OTUD4: variants seen among roughly 807,000 people sequenced by gnomAD.
OTUD4 encodes OTU domain-containing protein 4.
Under a neutral mutation model 130.4 loss-of-function variants are expected in OTUD4, and 24 were observed. The ratio of observed to expected loss-of-function variants is 0.18; its 90% CI spans 0.13 to 0.26. The LOEUF is 0.26. Ranked by LOEUF, OTUD4 falls within the 10% of genes least tolerant of loss-of-function variation. The pLI, the probability that OTUD4 is intolerant of heterozygous loss-of-function variation, is 1.00. For missense variants in OTUD4, 1,031 were observed against 1,329.4 expected (o/e 0.78, Z 3.49); for synonymous variants, 420 against 472.5 (o/e 0.89, Z 1.44).
chr4:145,178,884 T>C (rs959684487), intron 1 of OTUD4, among the ~76,000 whole-genome samples: 3 of 151,338 alleles, frequency 2.0e-5, no homozygotes, highest in Non-Finnish European at 3.0e-5. Context: ...TAGGGAGGGG[T>C]GTGCAATGGG....
At chr4:145,152,766 A>T in intron 10 of OTUD4, 131 bp from the exon 11 acceptor site, 1 of 597,110 alleles carries the variant, frequency 1.7e-6, no homozygotes, top group South Asian at 2.2e-5. Context: ...ACCCAGGCTG[A>T]AGTGCAGAGG....
chr4:145,159,702 C>CCAT, intron 6 of OTUD4, 67 bp from the exon 7 acceptor site: 1 of 1,449,124 alleles, frequency 6.9e-7, no homozygotes, highest in Non-Finnish European at 9.6e-7. Context: ...CAGGAACAGA[C>CCAT]CATCACATTG....
In OTUD4 at chr4:145,179,941, C is replaced by T. The variant is rs756675935; in HGVS notation, c.33G>A (p.Gly11=). 2 of 1,522,722 alleles carry T rather than the reference C, an allele frequency of 1.3e-6. No individual in the cohort carries two copies. Among genetic ancestry groups the T allele is most frequent in the South Asian group, 2.4e-5 (2 of 83,392 alleles). The allele number at this position is 1,522,722 out of a possible 1,614,324, so 94.3% of individuals were successfully genotyped here. A position where few individuals can be genotyped will look rare whatever the true frequency, so the allele number is the denominator to read the frequency against. The part of the protein sequence containing the change: MEAAVGVPDG[G]DQGGAGPRED... The stretch of plus-strand genomic sequence containing the variant: ...CGCGGGGCCCCGCGCCGCCCTGGTC[C>T]CCGCCGTCGGGGACGCCGACGGCAG... The change falls in exon 1 of 21, where the codon GGG becomes GGA. Residue 11 remains glycine (G), a synonymous_variant. Transcript: ENST00000447906.
rs1025506113 is a variant in OTUD4, at chr4:145,180,371, G to C, written c.-398C>G. On this transcript the variant is annotated 5_prime_UTR_variant, in exon 1 of 21. Transcript: ENST00000447906. ...AAGCGAGAAAACCCCCGCCCCTGGC[G>C]CGCACGCTGGGCCGGCTCAGGTGAA... 1.1e-4 allele frequency among the ~76,000 whole-genome samples: 17 copies of C among 152,280 alleles called. No individual in the cohort carries two copies. In the East Asian group the frequency reaches 2.7e-3, roughly 24 times the overall value.
rs7697222 is a variant in OTUD4, at chr4:145,141,144, G to A, written c.2083+235C>T. ...AGATCACACCACTGCACTCCAGCCC[G>A]GGTGACAGAGCGAGACTCCGTCTCA... On this transcript the variant is annotated intron_variant, in intron 19 of 20. Coordinates refer to ENST00000447906, the MANE Select transcript of OTUD4 (RefSeq NM_001366057.1). Among the ~76,000 whole-genome samples, 605 of 149,550 alleles carry A rather than the reference G, an allele frequency of 4.0e-3. 2 individuals are homozygous for A. The highest frequency in any genetic ancestry group is 0.014 in the African/African-American group (551 of 40,526).
chr4:145,178,760 C>T (rs1322133363), intron 1 of OTUD4, among the ~76,000 whole-genome samples: 1 of 152,116 alleles, frequency 6.6e-6, no homozygotes, highest in African/African-American at 2.4e-5. Context: ...ACAGACTGGC[C>T]TCCACATGTT....
At chr4:145,164,374 T>A in intron 4 of OTUD4, 148 bp from the exon 5 acceptor site, 3 of 396,382 alleles carry the variant, frequency 7.6e-6, no homozygotes, top group Non-Finnish European at 1.4e-5. Flanking sequence ...ATAACTAAGT[T>A]GTAAAATATC....
intron 1 of OTUD4, among the ~76,000 whole-genome samples, chr4:145,177,674 G>A (rs1053908976): frequency 2.0e-5 from 3 of 152,194 alleles, no homozygotes; most frequent in African/African-American, 7.2e-5. Context: ...CTGTGGAGCT[G>A]ATTCAGGTCA....
Position 145,138,445 on chromosome 4 carries a change from T to C in OTUD4, c.2330A>G (p.Asn777Ser), listed in dbSNP as rs1226891663. Residue 777 changes from asparagine (N) to serine (S), a missense_variant, in exon 21 of 21, where the codon AAT becomes AGT. Transcript: ENST00000447906. ...AATCTCTGGCTGTGGCATTTGACCA[T>C]TAACACTGGCCTCAGTCTGCATAGG... ...HFPMQTEASVNGQMPQPEIGP... is the reference protein window; with the variant it reads ...HFPMQTEASVSGQMPQPEIGP... 6.2e-7 allele frequency: 1 copy of C among 1,614,168 alleles called. No individual in the cohort carries two copies. The highest frequency in any genetic ancestry group is 1.1e-5 in the South Asian group (1 of 91,078).
At chr4:145,162,104 T>C (rs1004467106) in intron 6 of OTUD4, among the ~76,000 whole-genome samples, 4 of 152,254 alleles carry the variant, frequency 2.6e-5, no homozygotes, top group African/African-American at 9.6e-5. Flanking sequence ...TCCCAAGTAG[T>C]TGGGACCACA....
intron 1 of OTUD4, among the ~76,000 whole-genome samples, chr4:145,175,717 G>C (rs775202271): frequency 2.0e-5 from 3 of 151,194 alleles, no homozygotes; most frequent in Non-Finnish European, 4.4e-5. Flanking sequence ...GCTAATTTTT[G>C]TATTTTTAGT....
In OTUD4 at chr4:145,138,038, G is replaced by A; in HGVS notation, c.2737C>T (p.Pro913Ser). Residue 913 changes from proline (P) to serine (S), a missense_variant, in exon 21 of 21, where the codon CCA (proline) becomes TCA (serine). Coordinates refer to ENST00000447906, the MANE Select transcript of OTUD4 (RefSeq NM_001366057.1). The stretch of plus-strand genomic sequence containing the variant: ...TGTACATGTTCACCCCTGGCTTCTG[G>A]AAACTCATCTACTGTTGAAACTGAA... ...CGSVSTVDEF[P>S]EARGEHVHSL... 1 of 1,614,190 alleles carries A rather than the reference G, an allele frequency of 6.2e-7. No homozygotes were observed. The highest frequency in any genetic ancestry group is 1.3e-5 in the African/African-American group (1 of 75,060).
In OTUD4 at chr4:145,174,512, A is replaced by T. The variant is rs969173303; in HGVS notation, c.243+149T>A. On this transcript the variant is annotated intron_variant, in intron 2 of 20. Coordinates refer to ENST00000447906, the MANE Select transcript of OTUD4 (RefSeq NM_001366057.1). ...AAACAACATAACTGAATATAACTAG[A>T]TTAAGTTCAATAGAGAAGTTTTTTT... is the stretch of plus-strand genomic sequence containing the variant. The T allele has an allele frequency of 1.6e-4, 94 of 577,112 alleles. 1 individual carries two copies. In the South Asian group the frequency reaches 2.0e-3, roughly 12 times the overall value. 35.7% of individuals were successfully genotyped at this position (577,112 alleles called of 1,614,324 possible).
At chr4:145,138,756 AC>A in intron 20 of OTUD4, 106 bp from the exon 21 acceptor site, 1 of 893,180 alleles carries the variant, frequency 1.1e-6, no homozygotes, top group Non-Finnish European at 1.7e-6. Flanking sequence ...TCTCATGCCT[AC>A]AAAGACCATA....
chr4:145,149,245 G>A (rs1750960773), intron 13 of OTUD4, among the ~76,000 whole-genome samples: 1 of 152,126 alleles, frequency 6.6e-6, no homozygotes, highest in Admixed American at 6.5e-5. Context: ...GCACCTACAA[G>A]CCAAGGAACC....
At chr4:145,159,284 A>G in intron 7 of OTUD4, 1 of 1,350,946 alleles carries the variant, frequency 7.4e-7, no homozygotes, top group Non-Finnish European at 9.5e-7. Context: ...GTAAATTCTC[A>G]TCAACCAAAA....
intron 13 of OTUD4, among the ~76,000 whole-genome samples, chr4:145,147,998 A>ATG (rs1750900762): frequency 6.6e-6 from 1 of 152,204 alleles, no homozygotes. Flanking sequence ...AGGCATACTA[A>ATG]CCTAATGACA....
intron 19 of OTUD4, among the ~76,000 whole-genome samples, 162 bp from the exon 20 acceptor site, chr4:145,140,153 C>A (rs1750492403): frequency 6.6e-6 from 1 of 152,006 alleles, no homozygotes; most frequent in Non-Finnish European, 1.5e-5. Flanking sequence ...TAACACAACC[C>A]AAAAACAGGT....
At chr4:145,151,055 C>A in intron 11 of OTUD4, 150 bp from the exon 12 acceptor site, 1 of 490,194 alleles carries the variant, frequency 2.0e-6, no homozygotes. Context: ...ATTGCATTTA[C>A]CAATCCAGAT....
Sources: allele counts gnomAD v4.1 joint callset (sites outside exome capture counted in the v4.1 genomes callset), GRCh38; gene constraint gnomAD v4.1.1; transcripts MANE v1.5; gene names NCBI Gene and HGNC (gene_info 2026-07-23, HGNC 2026-07-21).